The following PPP2R3A variants were observed in gnomAD, a reference collection of about 807,000 sequenced individuals.
PPP2R3A encodes serine/threonine-protein phosphatase 2A regulatory subunit B'' subunit alpha.
Under a neutral mutation model 106.9 loss-of-function variants are expected in PPP2R3A, and 80 were observed. That is an observed-to-expected ratio of 0.75 (90% CI 0.62 to 0.90). PPP2R3A has a LOEUF of 0.90. Among genes scored for constraint, PPP2R3A ranks in the 40% least tolerant of loss-of-function variants. The pLI is 0.00. For synonymous variants in PPP2R3A, 483 were observed against 468.3 expected (o/e 1.03, Z -0.41); for missense variants, 1,386 against 1,350.4 (o/e 1.03, Z -0.41).
chr3:136,013,157 GGTGT>G lies in PPP2R3A; in HGVS notation c.1995+9687_1995+9690del, dbSNP rs773969022. Among the ~76,000 whole-genome samples the G allele has an allele frequency of 1.7e-3, 243 of 139,796 alleles. 2 individuals are homozygous for G. Among genetic ancestry groups the G allele is most frequent in the Middle Eastern group, 3.5e-3 (1 of 282 alleles). 91.7% of individuals were successfully genotyped at this position (139,796 alleles called of 152,430 possible). A position where few individuals can be genotyped will look rare whatever the true frequency, so the allele number is the denominator to read the frequency against. On this transcript the variant is annotated intron_variant, in intron 2 of 13. Transcript: ENST00000264977. ...TTTTTATGGCTGAATAGTATTCCATGGTGTGTGTGTGTGTGTGTGTGTGTGTATG... is the reference window on the plus strand; with the variant it reads ...TTTTTATGGCTGAATAGTATTCCATGGTGTGTGTGTGTGTGTGTGTGTATG...
chr3:136,087,964 G>A, intron 9 of PPP2R3A, 33 bp downstream of exon 9: 1 of 1,549,500 alleles, frequency 6.5e-7, no homozygotes, highest in Non-Finnish European at 8.9e-7. Context: ...GTTTAAAAAT[G>A]AACTACAAGT....
chr3:136,005,377 GGCT>G (rs1309009407), intron 2 of PPP2R3A, among the ~76,000 whole-genome samples: 1 of 152,048 alleles, frequency 6.6e-6, no homozygotes, highest in Non-Finnish European at 1.5e-5. Context: ...TATGTTTTGT[GGCT>G]GCTATTCTTC....
chr3:136,039,051 T>A (rs1365834347), intron 3 of PPP2R3A, among the ~76,000 whole-genome samples: 1 of 152,124 alleles, frequency 6.6e-6, no homozygotes, highest in East Asian at 1.9e-4. Flanking sequence ...GCCTTCCATA[T>A]CTCCATGAAC....
chr3:136,007,412 A>G (rs1432095933), intron 2 of PPP2R3A, among the ~76,000 whole-genome samples: 2 of 152,092 alleles, frequency 1.3e-5, no homozygotes, highest in Non-Finnish European at 2.9e-5. Context: ...ACCTGACATC[A>G]GGGTGCCCTT....
At chr3:136,103,611 A>G (rs1162356035) in intron 12 of PPP2R3A, among the ~76,000 whole-genome samples, 2 of 152,184 alleles carry the variant, frequency 1.3e-5, no homozygotes, top group South Asian at 2.1e-4. Context: ...AGCGGACTCT[A>G]TAGCTCATCT....
At chr3:136,119,472 A>G (rs1263971841) in intron 13 of PPP2R3A, among the ~76,000 whole-genome samples, 1 of 152,240 alleles carries the variant, frequency 6.6e-6, no homozygotes, top group African/African-American at 2.4e-5. Context: ...TATCCATCTG[A>G]CAGGGCTAAT....
intron 13 of PPP2R3A, among the ~76,000 whole-genome samples, chr3:136,110,220 T>TCAAA (rs1156835424): frequency 2.6e-5 from 4 of 151,900 alleles, no homozygotes; most frequent in South Asian, 2.1e-4. Context: ...TGGACAAATA[T>TCAAA]CAAACAGTTA....
chr3:136,082,175 T>C, intron 7 of PPP2R3A, 90 bp from the exon 8 acceptor site: 2 of 1,161,906 alleles, frequency 1.7e-6, no homozygotes, highest in Non-Finnish European at 2.4e-6. Flanking sequence ...AATTTTAAAT[T>C]CAGTTTAAAA....
intron 13 of PPP2R3A, among the ~76,000 whole-genome samples, chr3:136,115,114 C>T (rs977645843): frequency 4.6e-5 from 7 of 152,274 alleles, no homozygotes; most frequent in African/African-American, 1.7e-4. Context: ...GCTGATGATA[C>T]CCAAGCAAAG....
chr3:136,007,089 T>G (rs1933872086), intron 2 of PPP2R3A, among the ~76,000 whole-genome samples: 1 of 152,204 alleles, frequency 6.6e-6, no homozygotes, highest in South Asian at 2.1e-4. Flanking sequence ...GATCTTCTCT[T>G]TTTCCATTCA....
At chr3:135,967,836 G>A (rs189982327) in intron 1 of PPP2R3A, among the ~76,000 whole-genome samples, 233 of 152,292 alleles carry the variant, frequency 1.5e-3, no homozygotes, top group Non-Finnish European at 2.7e-3. Context: ...TTGTAGTTCT[G>A]TTGACATTTT....
At chr3:136,035,722 A>T (rs1935062129) in intron 3 of PPP2R3A, among the ~76,000 whole-genome samples, 3 of 152,174 alleles carry the variant, frequency 2.0e-5, no homozygotes, top group Admixed American at 1.3e-4. Context: ...TCTTTGTGTG[A>T]TGAATTTCCC....
At chr3:136,110,270 T>C (rs991529787) in intron 13 of PPP2R3A, among the ~76,000 whole-genome samples, 2 of 152,118 alleles carry the variant, frequency 1.3e-5, no homozygotes, top group Admixed American at 6.5e-5. Flanking sequence ...GAAGAACTTA[T>C]ACCCTTGGAA....
rs372183453 is a variant in PPP2R3A at position 136,082,255 on chromosome 3, A to G, written c.2632-10A>G. On this transcript the variant is annotated splice_polypyrimidine_tract_variant and intron_variant, in intron 7 of 13. Coordinates refer to ENST00000264977, the MANE Select transcript of PPP2R3A (RefSeq NM_002718.5). ...ATAATGTTTAAATTCTTCTTTTCAT[A>G]TAATTTCAGACCCTAGCACTTTTGG... 1.0e-4 allele frequency: 160 copies of G among 1,564,104 alleles called. No individual in the cohort carries two copies. In the African/African-American group the frequency reaches 1.9e-3, roughly 19 times the overall value.
intron 3 of PPP2R3A, among the ~76,000 whole-genome samples, chr3:136,028,068 TTTCC>T (rs1934731504): frequency 6.6e-6 from 1 of 152,174 alleles, no homozygotes; most frequent in Non-Finnish European, 1.5e-5. Context: ...TGCCTAAAAT[TTTCC>T]TGTATAAGCG....
Position 136,147,411 on chromosome 3 carries a change from T to A in PPP2R3A, c.*2245T>A, listed in dbSNP as rs926695385. ...AGTACATCCATCAATACCATTCCAT[T>A]TAAAATGGGCTATTGTAATTTACCC... On this transcript the variant is annotated 3_prime_UTR_variant, in exon 14 of 14. Coordinates refer to ENST00000264977, the MANE Select transcript of PPP2R3A (RefSeq NM_002718.5). The A allele has an allele frequency of 6.6e-6, 1 of 152,624 alleles. No homozygotes were observed. The highest frequency in any genetic ancestry group is 1.5e-5 in the Non-Finnish European group (1 of 68,028). 9.5% of individuals were successfully genotyped at this position (152,624 alleles called of 1,614,324 possible). A position where few individuals can be genotyped will look rare whatever the true frequency, so the allele number is the denominator to read the frequency against.
chr3:135,990,828 A>G (rs1401758571), intron 1 of PPP2R3A, among the ~76,000 whole-genome samples: 3 of 151,314 alleles, frequency 2.0e-5, no homozygotes, highest in East Asian at 1.9e-4. Context: ...GCCCTCCACA[A>G]TGCTACAAAG....
chr3:136,052,451 G>A (rs187097994), intron 5 of PPP2R3A, among the ~76,000 whole-genome samples: 1 of 152,052 alleles, frequency 6.6e-6, no homozygotes, highest in African/African-American at 2.4e-5. Flanking sequence ...TGTTCCTTTG[G>A]CCCTCAGGAC....
chr3:135,982,723 A>G (rs976187715), intron 1 of PPP2R3A, among the ~76,000 whole-genome samples: 3 of 152,068 alleles, frequency 2.0e-5, no homozygotes, highest in African/African-American at 4.8e-5. Flanking sequence ...CCTTGCTCTC[A>G]GTTCTGCTTT....
Sources: gnomAD v4.1 joint callset for allele counts (sites outside exome capture counted in the v4.1 genomes callset) on GRCh38, gnomAD v4.1.1 for gene constraint, MANE v1.5 for transcripts, NCBI Gene and HGNC (gene_info 2026-07-23, HGNC 2026-07-21) for gene names.